Variants in SCAI observed in about 807,000 individuals in gnomAD.
SCAI encodes the protein suppressor of cancer cell invasion.
A neutral mutation model predicts 92.2 loss-of-function variants in SCAI; 24 were observed. That is an observed-to-expected ratio of 0.26 (90% CI 0.19 to 0.37). SCAI has a LOEUF of 0.37. Ranked by LOEUF, SCAI falls within the 10% of genes least tolerant of loss-of-function variation. The probability of loss-of-function intolerance (pLI) is 1.00; values close to 1 mark genes in which losing one functional copy is unlikely to be tolerated. For synonymous variants in SCAI, 261 were observed against 258.6 expected (o/e 1.01, Z -0.09); for missense variants, 450 against 736.2 (o/e 0.61, Z 4.50).
rs1054651137 is a variant in SCAI at position 124,944,547 on chromosome 9, G to A, written c.*8260C>T. 4 of 137,734 alleles carry A rather than the reference G, an allele frequency of 2.9e-5. No individual in the cohort carries two copies. The highest frequency in any genetic ancestry group is 4.5e-5 in the Non-Finnish European group (3 of 66,202). 8.5% of individuals were successfully genotyped at this position (137,734 alleles called of 1,614,324 possible). On this transcript the variant is annotated 3_prime_UTR_variant, in exon 18 of 18. Transcript: ENST00000336505. ...TTGCCCAGACTGGTCTCCAACTCCTGAGTAATAAAAATTCTTATTGTGCTA... is the reference window on the plus strand; with the variant it reads ...TTGCCCAGACTGGTCTCCAACTCCTAAGTAATAAAAATTCTTATTGTGCTA...
chr9:125,061,963 G>T (rs1250361751), intron 2 of SCAI, among the ~76,000 whole-genome samples: 1 of 152,068 alleles, frequency 6.6e-6, no homozygotes, highest in Admixed American at 6.6e-5. Flanking sequence ...ATTATAAAAT[G>T]AAGATATGTA....
intron 17 of SCAI, among the ~76,000 whole-genome samples, chr9:124,969,572 A>G (rs1279051669): frequency 6.6e-6 from 1 of 152,222 alleles, no homozygotes; most frequent in East Asian, 1.9e-4. Flanking sequence ...AATAAAAATT[A>G]AAACCACAAT....
chr9:125,040,871 G>A (rs1213864989), intron 3 of SCAI, among the ~76,000 whole-genome samples: 1 of 151,780 alleles, frequency 6.6e-6, no homozygotes, highest in Non-Finnish European at 1.5e-5. Flanking sequence ...CTGACCTCAA[G>A]TGATCCGCCG....
intron 14 of SCAI, among the ~76,000 whole-genome samples, chr9:124,976,593 G>A (rs547858579): frequency 7.2e-5 from 11 of 152,130 alleles, no homozygotes; most frequent in Non-Finnish European, 8.8e-5. Flanking sequence ...TCTTATTGTG[G>A]GTCATAATAA....
chr9:125,062,249 T>C (rs1833782809), intron 2 of SCAI, among the ~76,000 whole-genome samples: 1 of 151,544 alleles, frequency 6.6e-6, no homozygotes, highest in Non-Finnish European at 1.5e-5. Context: ...TCTCAACCTC[T>C]TGAGTAGCTG....
At chr9:124,959,509 TATATATATACACAC>T (rs746684106) in intron 17 of SCAI, among the ~76,000 whole-genome samples, 1,492 of 148,338 alleles carry the variant, frequency 0.01, 17 homozygotes, top group African/African-American at 0.029. Context: ...TATACACATA[TATATATATACACAC>T]ATATATATAC....
rs1452462079 is a variant in SCAI at position 124,999,887 on chromosome 9, A to G, written c.1244+4T>C. ...ATAATAAGAGTAGACACCAGAATAC[A>G]TACCAGTGCATTTCCTTGTGGGACT... On this transcript the variant is annotated splice_donor_region_variant and intron_variant, in intron 13 of 17. Coordinates refer to ENST00000336505, the MANE Select transcript of SCAI (RefSeq NM_001144877.3). The G allele has an allele frequency of 1.4e-6, 2 of 1,417,462 alleles. No homozygotes were observed. Among genetic ancestry groups the G allele is most frequent in the Non-Finnish European group, 2.0e-6 (2 of 1,015,456 alleles). The allele number at this position is 1,417,462 out of a possible 1,614,324, so 87.8% of individuals were successfully genotyped here.
chr9:125,137,925 C>T (rs112891652), intron 2 of SCAI, among the ~76,000 whole-genome samples: 6,326 of 152,130 alleles, frequency 0.042, 426 homozygotes, highest in African/African-American at 0.14. Context: ...TAAAAACTCA[C>T]GTTTGATTTT....
intron 9 of SCAI, among the ~76,000 whole-genome samples, chr9:125,016,038 G>A (rs1300259850): frequency 3.8e-5 from 4 of 104,486 alleles, no homozygotes; most frequent in Non-Finnish European, 5.4e-5. Context: ...TGTGGGGCGG[G>A]GGGAGGGGGG....
At chr9:125,062,948 A>C (rs1432144487) in intron 2 of SCAI, among the ~76,000 whole-genome samples, 1 of 144,648 alleles carries the variant, frequency 6.9e-6, no homozygotes, top group Non-Finnish European at 1.5e-5. Flanking sequence ...TGAACCAGGG[A>C]GTAGGAGGTT....
chr9:125,097,155 G>A (rs542056124), intron 2 of SCAI, among the ~76,000 whole-genome samples: 39 of 152,280 alleles, frequency 2.6e-4, no homozygotes, highest in African/African-American at 9.1e-4. Context: ...AAAATTAGCT[G>A]GGCGCGGTGG....
intron 11 of SCAI, among the ~76,000 whole-genome samples, chr9:125,002,750 C>T (rs1317592380): frequency 6.6e-6 from 1 of 151,784 alleles, no homozygotes; most frequent in African/African-American, 2.4e-5. Flanking sequence ...TCCCAAAGTG[C>T]TGGGATTACA....
At chr9:125,021,027 T>TA (rs1302153336) in intron 6 of SCAI, among the ~76,000 whole-genome samples, 1 of 152,144 alleles carries the variant, frequency 6.6e-6, no homozygotes, top group Non-Finnish European at 1.5e-5. Flanking sequence ...AGCACAGTTG[T>TA]AAAAAACTAG....
chr9:125,000,281 A>G (rs1832328753), intron 12 of SCAI, among the ~76,000 whole-genome samples: 1 of 152,218 alleles, frequency 6.6e-6, no homozygotes, highest in South Asian at 2.1e-4. Context: ...AATAAAAGGA[A>G]TGGAGATCTG....
intron 17 of SCAI, among the ~76,000 whole-genome samples, chr9:124,961,487 T>C (rs1415023380): frequency 2.0e-5 from 3 of 151,370 alleles, no homozygotes; most frequent in Non-Finnish European, 4.4e-5. Context: ...CCATCTCTAC[T>C]AAAAATACAA....
chr9:125,113,219 C>T (rs1834964282), intron 2 of SCAI, among the ~76,000 whole-genome samples: 1 of 152,146 alleles, frequency 6.6e-6, no homozygotes, highest in Non-Finnish European at 1.5e-5. Flanking sequence ...AGTTTACAGT[C>T]AACAGAAATA....
intron 17 of SCAI, among the ~76,000 whole-genome samples, chr9:124,964,319 G>A (rs961016842): frequency 3.3e-5 from 5 of 152,150 alleles, no homozygotes; most frequent in African/African-American, 1.2e-4. Flanking sequence ...TCCAAGATCT[G>A]TATCTCGAAA....
chr9:125,116,225 T>A (rs1835044273), intron 2 of SCAI, among the ~76,000 whole-genome samples: 1 of 152,184 alleles, frequency 6.6e-6, no homozygotes, highest in Non-Finnish European at 1.5e-5. Context: ...ATGTTATATA[T>A]GCTTTTGTGT....
chr9:125,087,744 C>T (rs770611387), intron 2 of SCAI, among the ~76,000 whole-genome samples: 6 of 152,142 alleles, frequency 3.9e-5, no homozygotes, highest in African/African-American at 1.4e-4. Flanking sequence ...TGGAAGAAAA[C>T]AAGAGAGAAG....
Sources: gnomAD v4.1 joint callset for allele counts (sites outside exome capture counted in the v4.1 genomes callset) on GRCh38, gnomAD v4.1.1 for gene constraint, MANE v1.5 for transcripts, NCBI Gene and HGNC (gene_info 2026-07-23, HGNC 2026-07-21) for gene names.